RALGAPA1: variants seen among roughly 807,000 people sequenced by gnomAD.
RALGAPA1 encodes ral GTPase-activating protein subunit alpha-1.
In RALGAPA1, 52 loss-of-function variants were observed where a neutral mutation model predicts 269.6. The observed-to-expected ratio is 0.19, with a 90% confidence interval of 0.15 to 0.24. The LOEUF is 0.24. Ranked by LOEUF, RALGAPA1 falls within the 10% of genes least tolerant of loss-of-function variation. The pLI, the probability that RALGAPA1 is intolerant of heterozygous loss-of-function variation, is 1.00. For missense variants in RALGAPA1, 1,917 were observed against 3,013.9 expected (o/e 0.64, Z 8.52); for synonymous variants, 817 against 1,008.3 (o/e 0.81, Z 3.60).
intron 17 of RALGAPA1, among the ~76,000 whole-genome samples, chr14:35,696,438 T>C (rs2066908016): frequency 2.6e-5 from 4 of 152,022 alleles, no homozygotes; most frequent in Admixed American, 2.6e-4. Context: ...ACTATTCAAC[T>C]AGGTTAGTCT....
At chr14:35,735,793 T>C (rs1014658828) in intron 12 of RALGAPA1, among the ~76,000 whole-genome samples, 1 of 152,154 alleles carries the variant, frequency 6.6e-6, no homozygotes, top group Non-Finnish European at 1.5e-5. Context: ...AAAATTCAAA[T>C]GCAAATTTTT....
chr14:35,721,685 T>C lies in RALGAPA1; in HGVS notation c.2266+3A>G, dbSNP rs769929079. The C allele has an allele frequency of 1.9e-6, 3 of 1,612,408 alleles. No homozygotes were observed. In the South Asian group the frequency reaches 3.3e-5, roughly 18 times the overall value. On this transcript the variant is annotated splice_donor_region_variant and intron_variant, in intron 16 of 41. Transcript: ENST00000680220. ...CATTCTCATGATTTTCAAGAGTACA[T>C]ACCGACAGTTTTTTGCCGTACTATA...
At chr14:35,582,820 G>A (rs1012036119) in intron 37 of RALGAPA1, among the ~76,000 whole-genome samples, 1 of 152,118 alleles carries the variant, frequency 6.6e-6, no homozygotes, top group East Asian at 1.9e-4. Context: ...AATCTACCTG[G>A]GAGAAGAAAA....
intron 5 of RALGAPA1, among the ~76,000 whole-genome samples, chr14:35,761,841 T>A (rs1022171998): frequency 1.3e-5 from 2 of 152,190 alleles, no homozygotes; most frequent in Non-Finnish European, 2.9e-5. Flanking sequence ...GTTACTTTCA[T>A]GGTTCAGCCA....
intron 16 of RALGAPA1, among the ~76,000 whole-genome samples, chr14:35,717,419 G>A (rs2068934183): frequency 6.6e-6 from 1 of 152,072 alleles, no homozygotes; most frequent in African/African-American, 2.4e-5. Flanking sequence ...CAAAGTTCTG[G>A]GATTACAGGC....
At chr14:35,800,021 T>C (rs2076860022) in intron 1 of RALGAPA1, among the ~76,000 whole-genome samples, 1 of 152,078 alleles carries the variant, frequency 6.6e-6, no homozygotes, top group African/African-American at 2.4e-5. Context: ...GATAAAGAAG[T>C]CAATTCATCA....
chr14:35,646,677 T>C (rs1371193652), intron 31 of RALGAPA1, among the ~76,000 whole-genome samples: 1 of 152,226 alleles, frequency 6.6e-6, no homozygotes. Flanking sequence ...TACAGGATGT[T>C]AGTGAGACAA....
chr14:35,624,170 A>C (rs1440897633), intron 35 of RALGAPA1, among the ~76,000 whole-genome samples: 2 of 150,892 alleles, frequency 1.3e-5, no homozygotes, highest in Admixed American at 6.6e-5. Context: ...AAAAAAAAAA[A>C]AAAACAACTT....
chr14:35,699,026 A>G (rs2067126399), intron 17 of RALGAPA1, among the ~76,000 whole-genome samples: 1 of 152,182 alleles, frequency 6.6e-6, no homozygotes, highest in South Asian at 2.1e-4. Context: ...CAGGTTGCCT[A>G]ATTTCACTGA....
intron 33 of RALGAPA1, among the ~76,000 whole-genome samples, chr14:35,633,105 T>C (rs11845304): frequency 0.041 from 6,237 of 152,270 alleles, 363 homozygotes; most frequent in African/African-American, 0.12. Context: ...CAGTGACTGA[T>C]ATTGGCACAG....
chr14:35,712,788 G>A (rs2068473946), intron 16 of RALGAPA1, among the ~76,000 whole-genome samples: 1 of 152,148 alleles, frequency 6.6e-6, no homozygotes, highest in Non-Finnish European at 1.5e-5. Context: ...ATTACAAAGT[G>A]CTAAGATTAC....
intron 1 of RALGAPA1, among the ~76,000 whole-genome samples, chr14:35,804,756 C>T (rs577602780): frequency 6.7e-6 from 1 of 148,764 alleles, no homozygotes; most frequent in South Asian, 2.1e-4. Context: ...CAACATGAGA[C>T]CCCATCTCTA....
intron 1 of RALGAPA1, among the ~76,000 whole-genome samples, chr14:35,799,543 CAGAGCG>C (rs1312366132): frequency 6.8e-6 from 1 of 146,030 alleles, no homozygotes; most frequent in Non-Finnish European, 1.5e-5. Flanking sequence ...GCCTGGGCAA[CAGAGCG>C]AGACTCGGTC....
chr14:35,598,830 T>C (rs2059095293), intron 36 of RALGAPA1, among the ~76,000 whole-genome samples: 2 of 152,268 alleles, frequency 1.3e-5, no homozygotes, highest in South Asian at 2.1e-4. Flanking sequence ...AGATCATTTA[T>C]ATTTCATGTA....
intron 35 of RALGAPA1, among the ~76,000 whole-genome samples, chr14:35,608,388 T>C (rs2059715569): frequency 6.6e-6 from 1 of 152,146 alleles, no homozygotes; most frequent in Non-Finnish European, 1.5e-5. Context: ...AATCTGAGCA[T>C]GGAGATCAGA....
intron 17 of RALGAPA1, among the ~76,000 whole-genome samples, chr14:35,694,993 T>C (rs1168999980): frequency 6.6e-6 from 1 of 152,078 alleles, no homozygotes; most frequent in Non-Finnish European, 1.5e-5. Flanking sequence ...GGCACAAGAA[T>C]TGCTTGAACC....
chr14:35,644,091 C>T (rs1403536068), intron 31 of RALGAPA1, among the ~76,000 whole-genome samples: 6 of 152,106 alleles, frequency 3.9e-5, no homozygotes, highest in African/African-American at 1.4e-4. Flanking sequence ...GGGAAGGATA[C>T]CCCATTTATC....
chr14:35,569,785 C>T (rs1439105234), intron 39 of RALGAPA1, among the ~76,000 whole-genome samples: 1 of 152,098 alleles, frequency 6.6e-6, no homozygotes, highest in Non-Finnish European at 1.5e-5. Context: ...TGAGAGACCC[C>T]TTGTTACTAT....
intron 37 of RALGAPA1, among the ~76,000 whole-genome samples, chr14:35,586,640 T>C (rs1045520508): frequency 6.6e-6 from 1 of 152,230 alleles, no homozygotes; most frequent in Non-Finnish European, 1.5e-5. Flanking sequence ...ACCTAGTTTA[T>C]TGAGAGTTTT....
Sources: gnomAD v4.1 joint callset for allele counts (sites outside exome capture counted in the v4.1 genomes callset) on GRCh38, gnomAD v4.1.1 for gene constraint, MANE v1.5 for transcripts, NCBI Gene and HGNC (gene_info 2026-07-23, HGNC 2026-07-21) for gene names.